Variants in SCYL2 observed in about 807,000 individuals in gnomAD.
SCYL2 encodes SCY1 like pseudokinase 2.
SCYL2 carries 36 observed loss-of-function variants against 100.4 expected under a neutral mutation model. The ratio of observed to expected loss-of-function variants is 0.36; its 90% CI spans 0.27 to 0.47. The LOEUF (loss-of-function observed/expected upper bound fraction) is 0.47. Ranked by LOEUF, SCYL2 falls within the 20% of genes least tolerant of loss-of-function variation. The probability of loss-of-function intolerance (pLI) is 1.00; values close to 1 mark genes in which losing one functional copy is unlikely to be tolerated. For synonymous variants in SCYL2, 330 were observed against 359.2 expected (o/e 0.92, Z 0.92); for missense variants, 902 against 1,083.9 (o/e 0.83, Z 2.36).
intron 2 of SCYL2, among the ~76,000 whole-genome samples, chr12:100,283,474 C>T (rs1287048962): frequency 2.0e-5 from 3 of 152,022 alleles, no homozygotes; most frequent in Non-Finnish European, 2.9e-5. Context: ...TAGAAATTGC[C>T]GTGTTTCTTA....
intron 13 of SCYL2, among the ~76,000 whole-genome samples, chr12:100,330,954 G>A (rs1374204187): frequency 6.6e-6 from 1 of 150,636 alleles, no homozygotes; most frequent in Non-Finnish European, 1.5e-5. Context: ...TCAGCCTCCT[G>A]AATACCTGGG....
Position 100,338,760 on chromosome 12 carries a change from ACTT to A in SCYL2, c.2381_2383del (p.Phe794del), listed in dbSNP as rs761085583. Reference sequence around the variant, plus strand: ...AACATGCCCGTTAATACAAACCAGAACTTCTACAGTAGTCCAAGCACAGTTGGA... The same window carrying A: ...AACATGCCCGTTAATACAAACCAGAACTACAGTAGTCCAAGCACAGTTGGA... On this transcript the variant is annotated inframe_deletion, in exon 18 of 18. Coordinates refer to ENST00000360820, the MANE Select transcript of SCYL2 (RefSeq NM_017988.6). The A allele has an allele frequency of 6.2e-7, 1 of 1,613,990 alleles. No homozygotes were observed. The highest frequency in any genetic ancestry group is 8.5e-7 in the Non-Finnish European group (1 of 1,180,004).
chr12:100,330,940 T>C (rs1169887528), intron 13 of SCYL2, among the ~76,000 whole-genome samples: 3 of 151,604 alleles, frequency 2.0e-5, no homozygotes, highest in African/African-American at 7.3e-5. Flanking sequence ...GCAATTCTCA[T>C]GCCTCAGCCT....
At chr12:100,283,189 C>CGA in intron 2 of SCYL2, 42 bp downstream of exon 2, 1 of 1,501,502 alleles carries the variant, frequency 6.7e-7, no homozygotes, top group Non-Finnish European at 9.0e-7. Flanking sequence ...AACCCACATG[C>CGA]TAAGAACCAT....
At chr12:100,294,418 G>A (rs2096315128) in intron 3 of SCYL2, among the ~76,000 whole-genome samples, 2 of 116,772 alleles carry the variant, frequency 1.7e-5, no homozygotes, top group Non-Finnish European at 1.8e-5. Flanking sequence ...CGGGGCGGCT[G>A]GCCGGGCGGG....
intron 1 of SCYL2, among the ~76,000 whole-genome samples, chr12:100,273,102 G>A (rs546240261): frequency 9.5e-4 from 144 of 152,172 alleles, no homozygotes; most frequent in Middle Eastern, 6.8e-3. Context: ...TTGATAGAGT[G>A]ATTGATCATC....
intron 1 of SCYL2, among the ~76,000 whole-genome samples, chr12:100,278,630 CT>C (rs66782127): frequency 0.26 from 31,811 of 120,172 alleles, 3,330 homozygotes; most frequent in African/African-American, 0.37. Flanking sequence ...TGGGGAAATT[CT>C]TTTTTTTTTT....
At chr12:100,317,702 A>G (rs2096350581) in intron 9 of SCYL2, 101 bp from the exon 10 acceptor site, 2 of 1,431,776 alleles carry the variant, frequency 1.4e-6, no homozygotes, top group Non-Finnish European at 1.8e-6. Flanking sequence ...GGTGAGTGTC[A>G]AAATATATGA....
chr12:100,311,015 A>G, intron 4 of SCYL2, 29 bp from the exon 5 acceptor site: 3 of 1,488,788 alleles, frequency 2.0e-6, no homozygotes, highest in Non-Finnish European at 2.7e-6. Context: ...AGTTTTATTT[A>G]GTGTAAAATG....
chr12:100,291,596 C>T lies in SCYL2; in HGVS notation c.271C>T (p.Gln91Ter). The change falls in exon 3 of 18, where the codon CAA becomes TAA. Residue 91 changes from glutamine (Q) to a stop codon, truncating the protein, a stop_gained. Transcript: ENST00000360820. LOFTEE classifies it high-confidence loss of function. ...QIIDSLKRGV[Q>*]QLTRLRHPRL... ...CATTGATTCTCTAAAACGAGGAGTC[C>T]AACAGTTAACTCGGCTTCGACACCC... 3 of 1,599,820 alleles carry T rather than the reference C, an allele frequency of 1.9e-6. No homozygotes were observed. The highest frequency in any genetic ancestry group is 2.6e-6 in the Non-Finnish European group (3 of 1,175,378).
rs1037242621 is a variant in SCYL2 at position 100,326,741 on chromosome 12, C to T, written c.1629C>T (p.Leu543=). Residue 543 remains leucine (L), a synonymous_variant, in exon 12 of 18, where the codon CTC becomes CTT. Coordinates refer to ENST00000360820, the MANE Select transcript of SCYL2 (RefSeq NM_017988.6). The part of the protein sequence containing the change: ...QQIPSKEPAV[L]MGILGIYKCT... ...TTCCATCCAAGGAACCTGCGGTCCT[C>T]ATGGGAATTTTAGGTAGCTGAAAAT... 2.5e-6 allele frequency: 4 copies of T among 1,607,132 alleles called. No individual in the cohort carries two copies. The highest frequency in any genetic ancestry group is 3.4e-5 in the Admixed American group (2 of 58,284).
intron 3 of SCYL2, among the ~76,000 whole-genome samples, chr12:100,294,421 C>T (rs1394869242): frequency 1.1e-4 from 12 of 112,212 alleles, no homozygotes; most frequent in South Asian, 3.3e-4. Flanking sequence ...GGCGGCTGGC[C>T]GGGCGGGGGG....
At chr12:100,337,622 A>G in intron 17 of SCYL2, 116 bp downstream of exon 17, 1 of 1,014,096 alleles carries the variant, frequency 9.9e-7, no homozygotes, top group African/African-American at 1.7e-5. Flanking sequence ...ATACCTTAAT[A>G]TGTGGTTTCT....
intron 4 of SCYL2, among the ~76,000 whole-genome samples, chr12:100,309,372 C>T (rs903053734): frequency 2.6e-5 from 4 of 152,136 alleles, no homozygotes; most frequent in African/African-American, 9.7e-5. Flanking sequence ...ACAGTATCTC[C>T]TTATTCCTCC....
At chr12:100,302,673 C>T (rs952589427) in intron 4 of SCYL2, among the ~76,000 whole-genome samples, 4 of 152,180 alleles carry the variant, frequency 2.6e-5, no homozygotes, top group African/African-American at 9.6e-5. Context: ...ACCTTTCTCT[C>T]TGGCTTAACA....
At position 100,287,312 on chromosome 12, in the gene SCYL2, G is replaced by T. The variant is rs940841826; in HGVS notation, c.177+4165G>T. ...GTTGTTGTTGTTTTCCAGAGAGGGG[G>T]TCTTAATATGTTGCTCAGGCTGGGG... is the stretch of plus-strand genomic sequence containing the variant. On this transcript the variant is annotated intron_variant, in intron 2 of 17. Transcript: ENST00000360820. Among the ~76,000 whole-genome samples, 4 of 152,178 alleles carry T rather than the reference G, an allele frequency of 2.6e-5. No homozygotes were observed. The East Asian group carries it at 7.7e-4, about 29-fold the overall frequency.
chr12:100,275,213 T>C (rs2096291327), intron 1 of SCYL2, among the ~76,000 whole-genome samples: 1 of 152,158 alleles, frequency 6.6e-6, no homozygotes, highest in Admixed American at 6.5e-5. Flanking sequence ...TTTTTTTTCT[T>C]TTTTTTGAGA....
intron 5 of SCYL2, 94 bp downstream of exon 5, chr12:100,311,287 T>C: frequency 8.1e-7 from 1 of 1,231,996 alleles, no homozygotes; most frequent in Non-Finnish European, 1.1e-6. Flanking sequence ...TACAGTGGTA[T>C]GTTTAGATAT....
At chr12:100,318,416 C>T (rs1265989794) in intron 10 of SCYL2, among the ~76,000 whole-genome samples, 2 of 151,198 alleles carry the variant, frequency 1.3e-5, no homozygotes, top group African/African-American at 2.4e-5. Context: ...CTGCAACCTC[C>T]GCCTCCTGGG....
Sources: allele counts gnomAD v4.1 joint callset (sites outside exome capture counted in the v4.1 genomes callset), GRCh38; gene constraint gnomAD v4.1.1; transcripts MANE v1.5; gene names NCBI Gene and HGNC (gene_info 2026-07-23, HGNC 2026-07-21).